Variants in FAM222A observed in about 807,000 individuals in gnomAD.
FAM222A encodes family with sequence similarity 222 member A, also known as protein FAM222A.
A neutral mutation model predicts 25.8 loss-of-function variants in FAM222A; 7 were observed. The ratio of observed to expected loss-of-function variants is 0.27; its 90% CI spans 0.15 to 0.51. The LOEUF (loss-of-function observed/expected upper bound fraction) is 0.51. Among genes scored for constraint, FAM222A ranks in the 20% least tolerant of loss-of-function variants. FAM222A has a pLI of 0.97. For synonymous variants in FAM222A, 294 were observed against 298.8 expected, an observed-to-expected ratio of 0.98 and a Z score of 0.17; for missense variants, 573 against 640.5, an observed-to-expected ratio of 0.89 and a Z score of 1.14.
At chr12:109,761,906 T>A (rs1888908810) in intron 2 of FAM222A, among the ~76,000 whole-genome samples, 1 of 152,050 alleles carries the variant, frequency 6.6e-6, no homozygotes, top group Non-Finnish European at 1.5e-5. Context: ...GCCTGCCGGT[T>A]TGCAGTGCAC....
At chr12:109,753,526 G>A (rs1565843857) in intron 2 of FAM222A, among the ~76,000 whole-genome samples, 1 of 145,556 alleles carries the variant, frequency 6.9e-6, no homozygotes, top group Non-Finnish European at 1.5e-5. Context: ...GGGCCTAGCA[G>A]CTGACCCAGA....
intron 1 of FAM222A, among the ~76,000 whole-genome samples, chr12:109,736,117 G>A (rs909051470): frequency 6.6e-6 from 1 of 152,200 alleles, no homozygotes; most frequent in Non-Finnish European, 1.5e-5. Context: ...GGTTGGGGGG[G>A]TCCCTGCCTG....
rs1300259562 is a variant in FAM222A at position 109,769,402 on chromosome 12, G to A, written c.*114G>A. 3 of 1,302,774 alleles carry A rather than the reference G, an allele frequency of 2.3e-6. No individual in the cohort carries two copies. Among genetic ancestry groups the A allele is most frequent in the Non-Finnish European group, 2.1e-6 (2 of 973,934 alleles). 80.7% of individuals were successfully genotyped at this position (1,302,774 alleles called of 1,614,324 possible). A position where few individuals can be genotyped will look rare whatever the true frequency, so the allele number is the denominator to read the frequency against. On this transcript the variant is annotated 3_prime_UTR_variant, in exon 3 of 3. Coordinates refer to ENST00000538780, the MANE Select transcript of FAM222A (RefSeq NM_032829.3). ...TCAGCCCCACCCTGTGCCTGCTGAT[G>A]CCCACAGGGGAGCCAGGCTGGCTGC... is the stretch of plus-strand genomic sequence containing the variant.
intron 2 of FAM222A, among the ~76,000 whole-genome samples, chr12:109,755,553 C>T (rs1253327761): frequency 6.6e-6 from 1 of 152,048 alleles, no homozygotes; most frequent in African/African-American, 2.4e-5. Flanking sequence ...GTCTCAAACC[C>T]ACGACCTCCG....
chr12:109,740,240 C>T (rs1298379581), intron 1 of FAM222A, among the ~76,000 whole-genome samples: 1 of 152,214 alleles, frequency 6.6e-6, no homozygotes, highest in African/African-American at 2.4e-5. Context: ...GACACATCGA[C>T]AGCTGGGGGC....
rs1390785554 is a variant in FAM222A at position 109,768,901 on chromosome 12, C to T, written c.972C>T (p.Ala324=). 8.8e-6 allele frequency: 14 copies of T among 1,582,238 alleles called. No homozygotes were observed. The highest frequency in any genetic ancestry group is 1.2e-5 in the Non-Finnish European group (14 of 1,171,968). The change falls in exon 3 of 3, where the codon GCC becomes GCT. Residue 324 remains alanine, a synonymous_variant. Transcript: ENST00000538780. ...GCGGGGGCCGGGCATACGAGCGGGC[C>T]AGCGGGTCACCCCTCAACTGTGGCG... ...EACGGRAYER[A]SGSPLNCGVG...
chr12:109,735,551 A>G (rs1888062620), intron 1 of FAM222A: 1 of 152,216 alleles, frequency 6.6e-6, no homozygotes, highest in Non-Finnish European at 1.5e-5. Flanking sequence ...GAGGAAGGCT[A>G]GAGATACCGG....
chr12:109,746,129 T>G (rs1439147960), intron 2 of FAM222A, among the ~76,000 whole-genome samples: 1 of 152,226 alleles, frequency 6.6e-6, no homozygotes, highest in Non-Finnish European at 1.5e-5. Flanking sequence ...TGGAAAGTCC[T>G]TCCTCAGGCT....
chr12:109,729,982 C>T (rs1887915329), intron 1 of FAM222A, among the ~76,000 whole-genome samples: 1 of 152,220 alleles, frequency 6.6e-6, no homozygotes, highest in Non-Finnish European at 1.5e-5. Context: ...GGGCTTGAAC[C>T]CAGACAGGCC....
rs1300922980 is a variant in FAM222A at position 109,714,927 on chromosome 12, G to A, written c.-47+30G>A. 6.5e-6 allele frequency: 1 copy of A among 152,852 alleles called. No individual in the cohort carries two copies. Among genetic ancestry groups the A allele is most frequent in the Non-Finnish European group, 1.5e-5 (1 of 68,584 alleles). 9.5% of individuals were successfully genotyped at this position (152,852 alleles called of 1,614,324 possible). ...GTTGTGCGGGGCGGGGTTCTGCGCT[G>A]GAGCTGGGGGCACCCCCTGGCGTCC... On this transcript the variant is annotated intron_variant, in intron 1 of 2. Coordinates refer to ENST00000538780, the MANE Select transcript of FAM222A (RefSeq NM_032829.3). This position sits in a 1 kb window ranked among gnomAD's most constrained non-coding sequence, Gnocchi z 4.2.
chr12:109,720,355 G>C (rs148806509), intron 1 of FAM222A, among the ~76,000 whole-genome samples: 313 of 152,354 alleles, frequency 2.1e-3, no homozygotes, highest in African/African-American at 7.0e-3. Context: ...CTTGGAGGAG[G>C]AGGGAGGTCC....
chr12:109,741,590 T>G (rs1888241535), intron 1 of FAM222A, among the ~76,000 whole-genome samples: 1 of 152,150 alleles, frequency 6.6e-6, no homozygotes, highest in African/African-American at 2.4e-5. Context: ...GCATGTGGGA[T>G]GTATGGCCCA....
At position 109,769,074 on chromosome 12, in the gene FAM222A, G is replaced by T; in HGVS notation, c.1145G>T (p.Gly382Val). 6.2e-7 allele frequency: 1 copy of T among 1,601,660 alleles called. No individual in the cohort carries two copies. The change falls in exon 3 of 3, where the codon GGG (glycine) becomes GTG (valine). Residue 382 changes from glycine (G) to valine (V), a missense_variant. Around this residue, in one of 3 missense-constraint regions of FAM222A, gnomAD observed 412 missense variants for 407.0 expected, o/e 1.01. Coordinates refer to ENST00000538780, the MANE Select transcript of FAM222A (RefSeq NM_032829.3). ...CCGGGGGCAGCCCGGGAGCTGGCTG[G>T]GCCCCCTGCAGATGCCCTCTCGGGC... ...LGPGAARELA[G>V]PPADALSGLP...
chr12:109,737,132 C>G (rs906127141), intron 1 of FAM222A, among the ~76,000 whole-genome samples: 1 of 151,972 alleles, frequency 6.6e-6, no homozygotes, highest in Non-Finnish European at 1.5e-5. Context: ...AATTGAAGGT[C>G]GAGTTGAGTT....
intron 1 of FAM222A, among the ~76,000 whole-genome samples, chr12:109,733,453 G>C (rs902421987): frequency 1.7e-4 from 26 of 151,604 alleles, no homozygotes; most frequent in African/African-American, 6.1e-4. Context: ...CCAGGCTGGA[G>C]TGCAGTGGCG....
Position 109,751,928 on chromosome 12 carries a change from G to A in FAM222A, c.82+7700G>A, listed in dbSNP as rs546029171. On this transcript the variant is annotated intron_variant, in intron 2 of 2. Coordinates refer to ENST00000538780, the MANE Select transcript of FAM222A (RefSeq NM_032829.3). Reference sequence around the variant, plus strand: ...GCAGCTACACTGTATTACACTGCAGGAATAAAAAAAATGGTAACATTTAAC... The same window carrying A: ...GCAGCTACACTGTATTACACTGCAGAAATAAAAAAAATGGTAACATTTAAC... 1.6e-4 allele frequency among the ~76,000 whole-genome samples: 25 copies of A among 151,974 alleles called. No homozygotes were observed. In the South Asian group the frequency reaches 5.0e-3, roughly 30 times the overall value.
chr12:109,767,721 G>A (rs1222106365), intron 2 of FAM222A, among the ~76,000 whole-genome samples: 2 of 152,152 alleles, frequency 1.3e-5, no homozygotes, highest in African/African-American at 2.4e-5. Flanking sequence ...AGTGGTTAGC[G>A]TGGTGTGGTT....
At chr12:109,725,956 G>T (rs901228045) in intron 1 of FAM222A, among the ~76,000 whole-genome samples, 1 of 151,836 alleles carries the variant, frequency 6.6e-6, no homozygotes. Flanking sequence ...TCATTTGGCC[G>T]CCCTGAGCTG....
intron 2 of FAM222A, among the ~76,000 whole-genome samples, chr12:109,764,022 G>A (rs183113643): frequency 1.5e-4 from 23 of 152,114 alleles, no homozygotes; most frequent in East Asian, 3.9e-4. Flanking sequence ...TTGAGCCCAC[G>A]AGTTCGAGAC....
Sources: gnomAD v4.1 joint callset for allele counts (sites outside exome capture counted in the v4.1 genomes callset) on GRCh38, gnomAD v4.1.1 for gene constraint, gnomAD v4.1.1 regional missense constraint, Gnocchi (gnomAD v3.1) non-coding constraint, MANE v1.5 for transcripts, NCBI Gene and HGNC (gene_info 2026-07-23, HGNC 2026-07-21) for gene names.